Variants in SIPA1L1 observed in about 807,000 individuals in gnomAD.
The protein encoded by SIPA1L1 is signal induced proliferation associated 1 like 1.
Under a neutral mutation model 162.7 loss-of-function variants are expected in SIPA1L1, and 26 were observed. That is an observed-to-expected ratio of 0.16 (90% CI 0.12 to 0.22). The LOEUF (loss-of-function observed/expected upper bound fraction) is 0.22, where lower values mean the gene tolerates loss of function less well. Among genes scored for constraint, SIPA1L1 ranks in the 10% least tolerant of loss-of-function variants. The pLI, the probability that SIPA1L1 is intolerant of heterozygous loss-of-function variation, is 1.00. For missense variants in SIPA1L1, 1,874 were observed against 2,241.0 expected, an observed-to-expected ratio of 0.84 and a Z score of 3.31; for synonymous variants, 829 against 837.4, an observed-to-expected ratio of 0.99 and a Z score of 0.17.
chr14:71,452,250 A>G (rs2045886485), intron 2 of SIPA1L1, among the ~76,000 whole-genome samples: 1 of 151,772 alleles, frequency 6.6e-6, no homozygotes, highest in African/African-American at 2.4e-5. Flanking sequence ...TTATGTCACC[A>G]TAGTTTTGTT....
intron 4 of SIPA1L1, among the ~76,000 whole-genome samples, chr14:71,538,207 G>C (rs2054071242): frequency 6.6e-6 from 1 of 152,078 alleles, no homozygotes; most frequent in Non-Finnish European, 1.5e-5. Flanking sequence ...AAAGGAGTGA[G>C]AAGTTATTTT....
rs368438358 is a variant in SIPA1L1 at position 71,491,458 on chromosome 14, A to G, written c.-464-21285A>G. On this transcript the variant is annotated intron_variant, in intron 2 of 23. Transcript: ENST00000381232. Reference sequence around the variant, plus strand: ...TGGAAGAGAAATGAAACAAATATGGACATATGAACTGTAATCAGTGCTCTA... The same window carrying G: ...TGGAAGAGAAATGAAACAAATATGGGCATATGAACTGTAATCAGTGCTCTA... Among the ~76,000 whole-genome samples, 22 of 152,298 alleles carry G rather than the reference A, an allele frequency of 1.4e-4. No individual in the cohort carries two copies. In the South Asian group the frequency reaches 2.5e-3, roughly 17 times the overall value.
intron 16 of SIPA1L1, among the ~76,000 whole-genome samples, chr14:71,706,249 T>G (rs1260706317): frequency 6.6e-6 from 1 of 152,196 alleles, no homozygotes; most frequent in African/African-American, 2.4e-5. Flanking sequence ...TGAGGCAAGT[T>G]GTGACAATGT....
chr14:71,398,009 A>C (rs8019998), intron 2 of SIPA1L1, among the ~76,000 whole-genome samples: 1 of 93,796 alleles, frequency 1.1e-5, no homozygotes, highest in Non-Finnish European at 1.8e-5. Flanking sequence ...AAAAAAAAAA[A>C]TTTTTTTTTT....
intron 13 of SIPA1L1, among the ~76,000 whole-genome samples, chr14:71,689,791 T>TG (rs1234642516): frequency 4.6e-5 from 7 of 152,158 alleles, no homozygotes; most frequent in African/African-American, 1.7e-4. Flanking sequence ...AGAAGCTGGA[T>TG]GGGGGGCCTT....
At chr14:71,680,889 TGCA>T (rs1270836823) in intron 12 of SIPA1L1, among the ~76,000 whole-genome samples, 3 of 152,178 alleles carry the variant, frequency 2.0e-5, no homozygotes, top group Admixed American at 1.3e-4. Flanking sequence ...TCTTTGGAAA[TGCA>T]GCATCTGGAC....
chr14:71,680,613 A>G (rs1566637710), intron 12 of SIPA1L1, among the ~76,000 whole-genome samples: 1 of 152,196 alleles, frequency 6.6e-6, no homozygotes, highest in Non-Finnish European at 1.5e-5. Context: ...AGACACAAAA[A>G]ACCCTTCAAA....
At chr14:71,450,557 A>G (rs1453937687) in intron 2 of SIPA1L1, among the ~76,000 whole-genome samples, 2 of 152,232 alleles carry the variant, frequency 1.3e-5, no homozygotes, top group African/African-American at 2.4e-5. Context: ...TCTATCTAGT[A>G]CTGCATTCAA....
chr14:71,527,622 T>TA (rs1380133101), intron 3 of SIPA1L1, among the ~76,000 whole-genome samples: 5 of 151,924 alleles, frequency 3.3e-5, no homozygotes, highest in African/African-American at 7.3e-5. Context: ...TTTTAATGCT[T>TA]AAAAATTTTT....
chr14:71,330,485 C>T, intron 2 of SIPA1L1: 1 of 1,606,422 alleles, frequency 6.2e-7, no homozygotes, highest in Non-Finnish European at 8.5e-7. Flanking sequence ...AGAACTTGGT[C>T]CCCTTCCTGA....
intron 2 of SIPA1L1, among the ~76,000 whole-genome samples, chr14:71,329,293 T>G (rs1411978191): frequency 6.6e-6 from 1 of 152,190 alleles, no homozygotes; most frequent in Non-Finnish European, 1.5e-5. Context: ...CTGGATCATA[T>G]GATAGTTTTA....
chr14:71,530,063 G>T (rs1236918358), intron 4 of SIPA1L1, among the ~76,000 whole-genome samples: 1 of 152,210 alleles, frequency 6.6e-6, no homozygotes, highest in African/African-American at 2.4e-5. Flanking sequence ...CCAAGCATTT[G>T]AGCCAATACA....
intron 2 of SIPA1L1, among the ~76,000 whole-genome samples, chr14:71,344,859 T>C (rs2036001956): frequency 6.6e-6 from 1 of 152,210 alleles, no homozygotes; most frequent in African/African-American, 2.4e-5. Flanking sequence ...CCACTGTGCC[T>C]GGCATGCCAA....
chr14:71,645,632 A>G (rs1447596984), intron 7 of SIPA1L1, among the ~76,000 whole-genome samples: 1 of 152,208 alleles, frequency 6.6e-6, no homozygotes, highest in East Asian at 1.9e-4. Context: ...CTGGGTTTTT[A>G]TTTGGGGAAG....
At chr14:71,334,876 A>G (rs2034925665) in intron 2 of SIPA1L1, among the ~76,000 whole-genome samples, 1 of 152,204 alleles carries the variant, frequency 6.6e-6, no homozygotes, top group Admixed American at 6.5e-5. Flanking sequence ...TGAAAGCATC[A>G]GTCTTGTATT....
intron 5 of SIPA1L1, among the ~76,000 whole-genome samples, chr14:71,606,494 T>C (rs2037518473): frequency 6.6e-6 from 1 of 152,114 alleles, no homozygotes; most frequent in Non-Finnish European, 1.5e-5. Flanking sequence ...ATGGTGTCAT[T>C]ATGCATGCTG....
At chr14:71,399,968 G>A (rs372890528) in intron 2 of SIPA1L1, among the ~76,000 whole-genome samples, 8 of 151,756 alleles carry the variant, frequency 5.3e-5, no homozygotes, top group East Asian at 1.9e-4. Flanking sequence ...TGATCCACCC[G>A]CCTCGGCCTC....
intron 2 of SIPA1L1, among the ~76,000 whole-genome samples, chr14:71,357,386 A>G (rs1306789410): frequency 1.3e-5 from 2 of 152,184 alleles, no homozygotes; most frequent in African/African-American, 4.8e-5. Flanking sequence ...TCAAGACTGT[A>G]TAACTGGTTG....
At chr14:71,678,893 G>A (rs910529890) in intron 12 of SIPA1L1, among the ~76,000 whole-genome samples, 2 of 151,604 alleles carry the variant, frequency 1.3e-5, no homozygotes, top group African/African-American at 2.4e-5. Context: ...AGAAAAAAGA[G>A]TAAAAAAAAA....
Sources: allele counts gnomAD v4.1 joint callset (sites outside exome capture counted in the v4.1 genomes callset), GRCh38; gene constraint gnomAD v4.1.1; transcripts MANE v1.5; gene names NCBI Gene and HGNC (gene_info 2026-07-23, HGNC 2026-07-21).